The following DPYS variants were observed in gnomAD, a reference collection of about 807,000 sequenced individuals.
The protein encoded by DPYS is dihydropyrimidine amidohydrolase.
A neutral mutation model predicts 50.3 loss-of-function variants in DPYS; 39 were observed. The observed-to-expected ratio is 0.78, with a 90% CI of 0.60 to 1.01. DPYS has a LOEUF of 1.01. Ranked by LOEUF, DPYS falls within the 50% of genes least tolerant of loss-of-function variation. The pLI is 0.00. For synonymous variants in DPYS, 245 were observed against 250.7 expected (o/e 0.98, Z 0.22); for missense variants, 659 against 680.9 (o/e 0.97, Z 0.36).
chr8:104,436,467 G>A lies in DPYS; in HGVS notation c.794-6766C>T, dbSNP rs944749297. ...TCTACTAAAAATACAAAAATTAGCT[G>A]GGCATGGTGGTGGGCACCTGTAATC... On this transcript the variant is annotated intron_variant, in intron 4 of 9. Transcript: ENST00000351513. Among the ~76,000 whole-genome samples, 4 of 152,078 alleles carry A rather than the reference G, an allele frequency of 2.6e-5. No homozygotes were observed. The South Asian group carries it at 8.3e-4, about 31-fold the overall frequency.
In DPYS at chr8:104,429,636, T is replaced by C. The variant is rs1205560619; in HGVS notation, c.859A>G (p.Lys287Glu). 6 of 1,614,050 alleles carry C rather than the reference T, an allele frequency of 3.7e-6. No individual in the cohort carries two copies. The highest frequency in any genetic ancestry group is 5.1e-6 in the Non-Finnish European group (6 of 1,180,024). Residue 287 changes from lysine (K) to glutamate (E), a missense_variant, in exon 5 of 10, where the codon AAA becomes GAA. Transcript: ENST00000351513. ...LGTDGTHYWN[K>E]EWHHAAHHVM... ...TGGTGGGCTGCATGGTGCCATTCTT[T>C]ATTCCAGTAGTGAGTGCCATCTGTG...
At chr8:104,439,186 C>A (rs1168414524) in intron 4 of DPYS, among the ~76,000 whole-genome samples, 1 of 152,016 alleles carries the variant, frequency 6.6e-6, no homozygotes, top group East Asian at 1.9e-4. Flanking sequence ...GGAACTAAGT[C>A]ATTCATTTTT....
In DPYS at chr8:104,415,123, T is replaced by C. The variant is rs192934646; in HGVS notation, c.1235+9124A>G. ...GGTTTCTTCACTCAACAAATGACTA[T>C]TGAGCTTCTATATATACCTGGAGCT... On this transcript the variant is annotated intron_variant, in intron 7 of 9. Transcript: ENST00000351513. Among the ~76,000 whole-genome samples the C allele has an allele frequency of 4.3e-4, 65 of 152,336 alleles. 1 individual carries two copies. In the East Asian group the frequency reaches 4.4e-3, roughly 10 times the overall value.
At chr8:104,397,076 A>T (rs900522701) in intron 7 of DPYS, among the ~76,000 whole-genome samples, 1 of 152,106 alleles carries the variant, frequency 6.6e-6, no homozygotes, top group Non-Finnish European at 1.5e-5. Context: ...TGAAGCTGTA[A>T]TTCTCCAATC....
At chr8:104,400,968 T>C (rs554498897) in intron 7 of DPYS, among the ~76,000 whole-genome samples, 2 of 152,204 alleles carry the variant, frequency 1.3e-5, no homozygotes, top group Non-Finnish European at 2.9e-5. Context: ...CTGCAGGAGA[T>C]AGCAACACCA....
intron 7 of DPYS, among the ~76,000 whole-genome samples, chr8:104,404,490 C>T (rs1330206307): frequency 6.6e-6 from 1 of 152,232 alleles, no homozygotes; most frequent in Admixed American, 6.5e-5. Flanking sequence ...ATCTTCTAAA[C>T]TTAAATGAGT....
intron 3 of DPYS, 133 bp from the exon 4 acceptor site, chr8:104,444,570 G>C (rs1399840701): frequency 1.2e-6 from 1 of 841,708 alleles, no homozygotes; most frequent in African/African-American, 1.7e-5. Context: ...GTGTCTGTGT[G>C]TGTGTGTATA....
chr8:104,432,604 A>T (rs1253227032), intron 4 of DPYS, among the ~76,000 whole-genome samples: 2 of 152,200 alleles, frequency 1.3e-5, no homozygotes, highest in African/African-American at 4.8e-5. Flanking sequence ...TACATTTACA[A>T]AGGAAGAAAA....
chr8:104,416,296 T>C (rs992151334), intron 7 of DPYS, among the ~76,000 whole-genome samples: 17 of 152,310 alleles, frequency 1.1e-4, no homozygotes, highest in Non-Finnish European at 2.2e-4. Flanking sequence ...TTACTACCTG[T>C]ATCTATATCT....
At chr8:104,381,938 A>G (rs1458938525) in intron 8 of DPYS, among the ~76,000 whole-genome samples, 1 of 151,924 alleles carries the variant, frequency 6.6e-6, no homozygotes, top group Non-Finnish European at 1.5e-5. Context: ...CACCCAAACT[A>G]ATACATTGTA....
intron 2 of DPYS, among the ~76,000 whole-genome samples, chr8:104,450,993 A>G (rs1405975323): frequency 6.6e-6 from 1 of 152,232 alleles, no homozygotes; most frequent in Non-Finnish European, 1.5e-5. Context: ...AAATATTAGG[A>G]GAAGCTGTTA....
chr8:104,383,467 T>A (rs1039364256), intron 8 of DPYS, among the ~76,000 whole-genome samples: 1 of 152,154 alleles, frequency 6.6e-6, no homozygotes, highest in Non-Finnish European at 1.5e-5. Context: ...GAAGGGATTT[T>A]TGGGGAGGGA....
chr8:104,446,185 G>T (rs1184410023), intron 3 of DPYS, among the ~76,000 whole-genome samples: 2 of 152,132 alleles, frequency 1.3e-5, no homozygotes, highest in Non-Finnish European at 2.9e-5. Flanking sequence ...TGATTCTTAT[G>T]CATTGCAAGC....
At chr8:104,392,646 A>G (rs563614438) in intron 8 of DPYS, 138 bp downstream of exon 8, 6 of 1,068,848 alleles carry the variant, frequency 5.6e-6, no homozygotes, top group Admixed American at 3.4e-5. Context: ...CTAATCTCTC[A>G]TATCAATCCT....
intron 5 of DPYS, among the ~76,000 whole-genome samples, chr8:104,428,628 C>G (rs2246827): frequency 0.93 from 141,812 of 152,268 alleles, 66,458 homozygotes; most frequent in Middle Eastern, 1. Flanking sequence ...GACTGGCTGG[C>G]GATGCTGATA....
Position 104,395,098 on chromosome 8 carries a change from C to T in DPYS, c.1236-2107G>A, listed in dbSNP as rs183553349. Reference sequence around the variant, plus strand: ...GCAATCTCTACCTCCTCAGTTCAAGCGATCCTCCCACCTCAGCCTCCCAAG... The same window carrying T: ...GCAATCTCTACCTCCTCAGTTCAAGTGATCCTCCCACCTCAGCCTCCCAAG... On this transcript the variant is annotated intron_variant, in intron 7 of 9. Transcript: ENST00000351513. 1.3e-3 allele frequency among the ~76,000 whole-genome samples: 191 copies of T among 151,844 alleles called. 1 individual carries two copies. Among genetic ancestry groups the T allele is most frequent in the African/African-American group, 4.1e-3 (171 of 41,388 alleles).
At chr8:104,436,286 C>T (rs1305756274) in intron 4 of DPYS, among the ~76,000 whole-genome samples, 5 of 152,118 alleles carry the variant, frequency 3.3e-5, no homozygotes, top group African/African-American at 1.2e-4. Context: ...AGCACACGCA[C>T]ACACAAAAAA....
At chr8:104,390,499 CTTT>C (rs551429478) in intron 8 of DPYS, among the ~76,000 whole-genome samples, 1 of 141,744 alleles carries the variant, frequency 7.1e-6, no homozygotes. Context: ...TTCTCTTTAA[CTTT>C]TTTTTTTTTT....
Position 104,451,380 on chromosome 8 carries a change from T to C in DPYS, c.289A>G (p.Met97Val). The C allele has an allele frequency of 3.1e-6, 5 of 1,614,172 alleles. No homozygotes were observed. Among genetic ancestry groups the C allele is most frequent in the Non-Finnish European group, 4.2e-6 (5 of 1,180,024 alleles). The change falls in exon 2 of 10, where the codon ATG becomes GTG. Residue 97 changes from methionine (M) to valine (V), a missense_variant. Met to Val is a conservative substitution (Grantham distance 21). Coordinates refer to ENST00000351513, the MANE Select transcript of DPYS (RefSeq NM_001385.3). ...TGAGGAATGGCGAAATCAATAATCA[T>C]GGTGGTGCCTCCTGAGAGAGCAGCC... ...TKAALSGGTT[M>V]IIDFAIPQKG...
Sources: gnomAD v4.1 joint callset for allele counts (sites outside exome capture counted in the v4.1 genomes callset) on GRCh38, gnomAD v4.1.1 for gene constraint, MANE v1.5 for transcripts, NCBI Gene and HGNC (gene_info 2026-07-23, HGNC 2026-07-21) for gene names.